The following TMEM108 variants were observed in gnomAD, a reference collection of about 807,000 sequenced individuals.
TMEM108 encodes cancer/testis antigen 124.
TMEM108 carries 12 observed loss-of-function variants against 35.1 expected under a neutral mutation model. That is an observed-to-expected ratio of 0.34 (90% confidence interval 0.22 to 0.55). The LOEUF (loss-of-function observed/expected upper bound fraction) is 0.55, where lower values mean the gene tolerates loss of function less well. Among genes scored for constraint, TMEM108 ranks in the 20% least tolerant of loss-of-function variants. The pLI is 0.89. For missense variants in TMEM108, 680 were observed against 753.3 expected, an observed-to-expected ratio of 0.90 and a Z score of 1.14; for synonymous variants, 287 against 308.6, an observed-to-expected ratio of 0.93 and a Z score of 0.73.
At chr3:133,150,704 GT>G (rs930854796) in intron 2 of TMEM108, among the ~76,000 whole-genome samples, 1 of 152,126 alleles carries the variant, frequency 6.6e-6, no homozygotes, top group African/African-American at 2.4e-5. Context: ...CCATTCTGTG[GT>G]TATAAAATAT....
At chr3:133,386,883 C>T in intron 4 of TMEM108, 1 of 635,876 alleles carries the variant, frequency 1.6e-6, no homozygotes, top group Non-Finnish European at 2.0e-6. Flanking sequence ...CTATTAGCTT[C>T]TATGACCTTC....
intron 2 of TMEM108, among the ~76,000 whole-genome samples, chr3:133,152,764 C>A (rs571907832): frequency 5.3e-4 from 80 of 152,168 alleles, no homozygotes; most frequent in Non-Finnish European, 8.8e-5. Context: ...TAAAAGAGAA[C>A]CAATTTAAAT....
chr3:133,106,569 G>A (rs968676789), intron 2 of TMEM108, among the ~76,000 whole-genome samples: 1 of 152,176 alleles, frequency 6.6e-6, no homozygotes, highest in Non-Finnish European at 1.5e-5. Flanking sequence ...AATGGGAATG[G>A]CCTGCATAAC....
intron 3 of TMEM108, among the ~76,000 whole-genome samples, chr3:133,265,059 A>T (rs1946677680): frequency 6.6e-6 from 1 of 152,208 alleles, no homozygotes; most frequent in African/African-American, 2.4e-5. Context: ...CACCAACAAG[A>T]TGGTGACCAA....
chr3:133,191,506 C>A (rs2107814680), intron 2 of TMEM108, among the ~76,000 whole-genome samples: 1 of 152,306 alleles, frequency 6.6e-6, no homozygotes, highest in Non-Finnish European at 1.5e-5. Flanking sequence ...ATTTTTCACT[C>A]ATGCCACATG....
At chr3:133,122,165 T>C (rs928854488) in intron 2 of TMEM108, among the ~76,000 whole-genome samples, 1 of 152,116 alleles carries the variant, frequency 6.6e-6, no homozygotes, top group African/African-American at 2.4e-5. Flanking sequence ...CTCTTTTCCC[T>C]CTACCTCCAA....
chr3:133,290,428 C>T (rs987310685), intron 3 of TMEM108, among the ~76,000 whole-genome samples: 2 of 152,126 alleles, frequency 1.3e-5, no homozygotes, highest in African/African-American at 4.8e-5. Context: ...TGAGACCAGA[C>T]TAGCCAACAT....
chr3:133,048,097 A>G (rs552301697), intron 2 of TMEM108, among the ~76,000 whole-genome samples: 2 of 151,816 alleles, frequency 1.3e-5, no homozygotes, highest in African/African-American at 4.8e-5. Flanking sequence ...TTGCAAAGTT[A>G]AAAAAAAGGG....
At chr3:133,187,302 C>A (rs1305072605) in intron 2 of TMEM108, among the ~76,000 whole-genome samples, 2 of 152,188 alleles carry the variant, frequency 1.3e-5, no homozygotes, top group Non-Finnish European at 1.5e-5. Flanking sequence ...ACTCAATCTT[C>A]ACCATCACCC....
chr3:133,354,975 G>A (rs959329718), intron 3 of TMEM108, among the ~76,000 whole-genome samples: 14 of 151,888 alleles, frequency 9.2e-5, no homozygotes, highest in Admixed American at 2.6e-4. Flanking sequence ...TATGTAAACC[G>A]TAAGATCCTT....
At chr3:133,272,264 T>C (rs1946781341) in intron 3 of TMEM108, among the ~76,000 whole-genome samples, 1 of 141,126 alleles carries the variant, frequency 7.1e-6, no homozygotes, top group African/African-American at 2.7e-5. Context: ...AAGAACACCA[T>C]ACACGTACGT....
intron 2 of TMEM108, among the ~76,000 whole-genome samples, chr3:133,050,804 A>G (rs954143800): frequency 6.6e-6 from 1 of 151,820 alleles, no homozygotes; most frequent in East Asian, 1.9e-4. Context: ...AATAATCAAC[A>G]TGTAAGTTTC....
At chr3:133,046,463 G>A (rs993788706) in intron 2 of TMEM108, among the ~76,000 whole-genome samples, 15 of 152,072 alleles carry the variant, frequency 9.9e-5, no homozygotes, top group African/African-American at 3.6e-4. Flanking sequence ...CACTTTTTTA[G>A]TGAAGGAAAT....
At chr3:133,233,067 T>A (rs1038453685) in intron 3 of TMEM108, among the ~76,000 whole-genome samples, 1 of 151,944 alleles carries the variant, frequency 6.6e-6, no homozygotes, top group African/African-American at 2.4e-5. Context: ...TACTTTAAGT[T>A]TTAGGGTACA....
chr3:133,392,873 T>A (rs1392628098), intron 5 of TMEM108, among the ~76,000 whole-genome samples: 2 of 152,194 alleles, frequency 1.3e-5, no homozygotes, highest in Non-Finnish European at 2.9e-5. Flanking sequence ...GACTCCCCAC[T>A]ACCATCTTGC....
chr3:133,242,259 A>G (rs976969702), intron 3 of TMEM108, among the ~76,000 whole-genome samples: 2 of 152,186 alleles, frequency 1.3e-5, no homozygotes, highest in African/African-American at 2.4e-5. Flanking sequence ...CCACCATTCA[A>G]TCAACTACAC....
In TMEM108 at chr3:133,169,293, A is replaced by G. The variant is rs187393025; in HGVS notation, c.-46-59973A>G. Among the ~76,000 whole-genome samples, 10 of 152,264 alleles carry G rather than the reference A, an allele frequency of 6.6e-5. 1 individual carries two copies. The East Asian group carries it at 1.5e-3, about 24-fold the overall frequency. ...CAATATTAACTTTGTTTATCACTTG[A>G]TGATATAGTTGTGTACTCATCTTTG... On this transcript the variant is annotated intron_variant, in intron 2 of 5. Coordinates refer to ENST00000321871, the MANE Select transcript of TMEM108 (RefSeq NM_023943.4).
intron 2 of TMEM108, among the ~76,000 whole-genome samples, chr3:133,181,014 A>AAAAAC (rs1945331314): frequency 1.4e-5 from 1 of 69,006 alleles, no homozygotes; most frequent in African/African-American, 4.6e-5. Flanking sequence ...GTGTTAAAAA[A>AAAAAC]AAAAAAAAAA....
intron 2 of TMEM108, among the ~76,000 whole-genome samples, chr3:133,098,624 A>G (rs1481160820): frequency 1.3e-5 from 2 of 152,246 alleles, no homozygotes; most frequent in Non-Finnish European, 2.9e-5. Flanking sequence ...CTTCCTAGAT[A>G]CAATGGGGGT....
Sources: gnomAD v4.1 joint callset for allele counts (sites outside exome capture counted in the v4.1 genomes callset) on GRCh38, gnomAD v4.1.1 for gene constraint, MANE v1.5 for transcripts, NCBI Gene and HGNC (gene_info 2026-07-23, HGNC 2026-07-21) for gene names.